SUPT3H: variants seen among roughly 807,000 people sequenced by gnomAD.
SUPT3H encodes transcription initiation protein SPT3 homolog.
A neutral mutation model predicts 44.3 loss-of-function variants in SUPT3H; 44 were observed. The observed-to-expected ratio is 0.99, with a 90% CI of 0.78 to 1.28. SUPT3H has a LOEUF of 1.28. Ranked by LOEUF, SUPT3H falls within the 50% of genes most tolerant of loss-of-function variation. The pLI is 0.00. For synonymous variants in SUPT3H, 124 were observed against 125.6 expected (o/e 0.99, Z 0.09); for missense variants, 380 against 387.1 (o/e 0.98, Z 0.15).
intron 10 of SUPT3H, among the ~76,000 whole-genome samples, chr6:44,886,776 T>TTAAATG (rs1762364021): frequency 6.6e-6 from 1 of 152,024 alleles, no homozygotes; most frequent in African/African-American, 2.4e-5. Flanking sequence ...AATATTAACT[T>TTAAATG]TAAATGTAAA....
At chr6:45,105,085 T>C (rs1799089460) in intron 3 of SUPT3H, among the ~76,000 whole-genome samples, 2 of 151,902 alleles carry the variant, frequency 1.3e-5, no homozygotes, top group African/African-American at 2.4e-5. Context: ...GTATAGCATA[T>C]ACAACGAGAA....
intron 2 of SUPT3H, among the ~76,000 whole-genome samples, chr6:45,120,437 A>AAC (rs1801484215): frequency 6.7e-6 from 1 of 148,788 alleles, no homozygotes; most frequent in Admixed American, 6.7e-5. Context: ...AAAAAAAAAA[A>AAC]AAAAGACTAT....
chr6:44,895,372 C>G (rs529289040), intron 10 of SUPT3H, among the ~76,000 whole-genome samples: 6 of 151,486 alleles, frequency 4.0e-5, no homozygotes, highest in African/African-American at 1.5e-4. Flanking sequence ...TACAGGCACA[C>G]AGTACCATAC....
intron 3 of SUPT3H, among the ~76,000 whole-genome samples, chr6:45,025,331 C>T (rs1274483775): frequency 6.6e-6 from 1 of 152,108 alleles, no homozygotes; most frequent in Non-Finnish European, 1.5e-5. Flanking sequence ...CACTTGTTAT[C>T]AAGTTTTGTA....
intron 3 of SUPT3H, among the ~76,000 whole-genome samples, chr6:45,037,773 C>T (rs557855873): frequency 1.8e-3 from 272 of 149,436 alleles, no homozygotes; most frequent in African/African-American, 6.5e-3. Context: ...ATTAATTAAC[C>T]AGCCTGGGCA....
At chr6:44,900,636 G>C (rs1343259416) in intron 10 of SUPT3H, among the ~76,000 whole-genome samples, 3 of 152,202 alleles carry the variant, frequency 2.0e-5, no homozygotes, top group Non-Finnish European at 4.4e-5. Flanking sequence ...ATCCTCTGCA[G>C]ACTTAAATGC....
intron 2 of SUPT3H, among the ~76,000 whole-genome samples, chr6:45,208,357 A>T (rs1303014354): frequency 1.3e-5 from 2 of 152,202 alleles, no homozygotes; most frequent in African/African-American, 4.8e-5. Flanking sequence ...GTGAAGGAGC[A>T]AACAATGATG....
At chr6:45,369,173 C>G (rs563560510) in intron 1 of SUPT3H, among the ~76,000 whole-genome samples, 2 of 152,128 alleles carry the variant, frequency 1.3e-5, no homozygotes, top group African/African-American at 4.8e-5. Flanking sequence ...TCACACCTGA[C>G]CTCCCCAGCC....
At chr6:44,942,853 AG>A (rs1772685506) in intron 9 of SUPT3H, among the ~76,000 whole-genome samples, 1 of 152,198 alleles carries the variant, frequency 6.6e-6, no homozygotes, top group East Asian at 1.9e-4. Context: ...CAAAGTTTAT[AG>A]GTGAGTCTAG....
chr6:44,928,882 C>CAAAATAAATAAATAAATAAA (rs1491206167), intron 10 of SUPT3H, among the ~76,000 whole-genome samples: 1 of 20,650 alleles, frequency 4.8e-5, no homozygotes, highest in African/African-American at 3.2e-4. Context: ...GACTCCGTCT[C>CAAAATAAATAAATAAATAAA]AAAAAAAAAA....
intron 2 of SUPT3H, among the ~76,000 whole-genome samples, chr6:45,216,656 T>G (rs911748754): frequency 1.3e-5 from 2 of 152,182 alleles, no homozygotes; most frequent in African/African-American, 4.8e-5. Context: ...GTAGCTATAT[T>G]TATATCAGCT....
chr6:45,222,203 G>C (rs2153635935), intron 2 of SUPT3H, among the ~76,000 whole-genome samples: 1 of 151,998 alleles, frequency 6.6e-6, no homozygotes, highest in Non-Finnish European at 1.5e-5. Context: ...TCTAAGGCTA[G>C]GATTGACATC....
intron 2 of SUPT3H, among the ~76,000 whole-genome samples, chr6:45,275,401 AT>A (rs1264500187): frequency 6.6e-6 from 1 of 152,116 alleles, no homozygotes; most frequent in Non-Finnish European, 1.5e-5. Context: ...TCATTATGAC[AT>A]ATTTCTAAAT....
intron 2 of SUPT3H, among the ~76,000 whole-genome samples, chr6:45,208,968 C>T (rs1385279435): frequency 6.6e-6 from 1 of 152,008 alleles, no homozygotes; most frequent in Non-Finnish European, 1.5e-5. Flanking sequence ...ATGTCAGGCC[C>T]TTAAGAATTA....
At chr6:45,099,157 C>T (rs1798197537) in intron 3 of SUPT3H, 2 of 307,922 alleles carry the variant, frequency 6.5e-6, no homozygotes, top group Non-Finnish European at 1.3e-5. Flanking sequence ...ACATATTCAC[C>T]TCAATGGGAC....
chr6:45,011,007 G>A (rs183429392), intron 5 of SUPT3H, among the ~76,000 whole-genome samples: 305 of 152,104 alleles, frequency 2.0e-3, no homozygotes, highest in African/African-American at 6.6e-3. Flanking sequence ...CTGTTAATTT[G>A]ATGCATTACA....
chr6:44,953,236 A>T (rs190181151), intron 9 of SUPT3H, 74 bp downstream of exon 9: 1 of 1,113,954 alleles, frequency 9.0e-7, no homozygotes, highest in African/African-American at 1.5e-5. Context: ...TCTTTATTAA[A>T]GAATCACTAA....
intron 2 of SUPT3H, among the ~76,000 whole-genome samples, chr6:45,246,631 A>G (rs1233683302): frequency 2.0e-5 from 3 of 152,218 alleles, no homozygotes; most frequent in Admixed American, 2.0e-4. Flanking sequence ...TACTTCTTAC[A>G]AAGTATGTTC....
chr6:45,018,317 T>A (rs932170195), intron 4 of SUPT3H, among the ~76,000 whole-genome samples: 1 of 151,934 alleles, frequency 6.6e-6, no homozygotes, highest in Non-Finnish European at 1.5e-5. Flanking sequence ...CTTCCTCTTT[T>A]CCTAATTGAA....
Sources: allele counts gnomAD v4.1 joint callset (sites outside exome capture counted in the v4.1 genomes callset), GRCh38; gene constraint gnomAD v4.1.1; transcripts MANE v1.5; gene names NCBI Gene and HGNC (gene_info 2026-07-23, HGNC 2026-07-21).